Variants in CCSER1 observed in about 807,000 individuals in gnomAD.
CCSER1 encodes coiled-coil serine rich protein 1, also known as serine-rich coiled-coil domain-containing protein 1.
Under a neutral mutation model 82.0 loss-of-function variants are expected in CCSER1, and 41 were observed. The observed-to-expected ratio is 0.50, with a 90% CI of 0.39 to 0.65. The LOEUF is 0.65. Ranked by LOEUF, CCSER1 falls within the 30% of genes least tolerant of loss-of-function variation. The probability of loss-of-function intolerance (pLI) is 0.00; values close to 1 mark genes in which losing one functional copy is unlikely to be tolerated. For missense variants in CCSER1, 1,119 were observed against 1,064.2 expected, an observed-to-expected ratio of 1.05 and a Z score of -0.72; for synonymous variants, 414 against 383.9, an observed-to-expected ratio of 1.08 and a Z score of -0.92.
chr4:90,707,387 T>C (rs1461711623), intron 6 of CCSER1, among the ~76,000 whole-genome samples: 1 of 152,114 alleles, frequency 6.6e-6, no homozygotes, highest in Admixed American at 6.6e-5. Context: ...AATGTGTACA[T>C]GTGTACCTTT....
chr4:90,607,314 C>A (rs986586323), intron 5 of CCSER1, among the ~76,000 whole-genome samples: 1 of 152,098 alleles, frequency 6.6e-6, no homozygotes, highest in African/African-American at 2.4e-5. Flanking sequence ...TTCCTGAACA[C>A]ACTAAATATA....
At chr4:90,327,881 T>A (rs1411954176) in intron 3 of CCSER1, among the ~76,000 whole-genome samples, 1 of 152,164 alleles carries the variant, frequency 6.6e-6, no homozygotes, top group Non-Finnish European at 1.5e-5. Context: ...TTCTTTTTTT[T>A]AATCTTAATT....
At chr4:91,037,541 ATCTTT>A (rs1303317942) in intron 9 of CCSER1, among the ~76,000 whole-genome samples, 1 of 151,762 alleles carries the variant, frequency 6.6e-6, no homozygotes, top group Non-Finnish European at 1.5e-5. Context: ...TTTAGCACTA[ATCTTT>A]TCTTATCGAG....
intron 7 of CCSER1, among the ~76,000 whole-genome samples, chr4:90,807,501 C>T (rs1237352524): frequency 6.6e-6 from 1 of 152,012 alleles, no homozygotes; most frequent in East Asian, 1.9e-4. Flanking sequence ...CACTTGTAGT[C>T]CTACCTCTTC....
At chr4:91,044,697 A>G (rs915266008) in intron 9 of CCSER1, among the ~76,000 whole-genome samples, 1 of 152,034 alleles carries the variant, frequency 6.6e-6, no homozygotes, top group Non-Finnish European at 1.5e-5. Flanking sequence ...TCATCTCCCA[A>G]CCTACTCCCA....
intron 1 of CCSER1, among the ~76,000 whole-genome samples, chr4:90,222,937 T>A (rs1742426588): frequency 6.6e-6 from 1 of 152,190 alleles, no homozygotes; most frequent in Non-Finnish European, 1.5e-5. Context: ...ACAGTTAGAT[T>A]TCATTAGTTT....
At chr4:90,256,911 AATT>A (rs1011411034) in intron 1 of CCSER1, among the ~76,000 whole-genome samples, 43 of 152,100 alleles carry the variant, frequency 2.8e-4, no homozygotes, top group Admixed American at 1.3e-3. Flanking sequence ...TTTGTTTTAT[AATT>A]ATTATTAATC....
In CCSER1 at chr4:91,368,320, AT is replaced by A. The variant is rs149109307; in HGVS notation, c.2218-230246del. Among the ~76,000 whole-genome samples the A allele has an allele frequency of 6.1e-3, 935 of 152,128 alleles. 14 individuals are homozygous for A. Among genetic ancestry groups the A allele is most frequent in the African/African-American group, 0.021 (873 of 41,516 alleles). The stretch of plus-strand genomic sequence containing the variant: ...TATGCTCCATTTGGTCTATTCTGTG[AT>A]TTTTTGGCTCCCACTTAATAATAGT... On this transcript the variant is annotated intron_variant, in intron 10 of 10. Coordinates refer to ENST00000509176, the MANE Select transcript of CCSER1 (RefSeq NM_001145065.2).
At chr4:90,425,960 A>C (rs1367518405) in intron 4 of CCSER1, among the ~76,000 whole-genome samples, 3 of 152,168 alleles carry the variant, frequency 2.0e-5, no homozygotes, top group Non-Finnish European at 4.4e-5. Flanking sequence ...AGCAGTATGC[A>C]GGACATAGCA....
chr4:91,008,393 G>A (rs557528306), intron 9 of CCSER1, among the ~76,000 whole-genome samples: 11 of 152,256 alleles, frequency 7.2e-5, no homozygotes, highest in Admixed American at 1.3e-4. Context: ...AATGTTGAGA[G>A]CATATGTATT....
intron 7 of CCSER1, among the ~76,000 whole-genome samples, chr4:90,782,522 T>G (rs1166094290): frequency 6.6e-6 from 1 of 152,068 alleles, no homozygotes; most frequent in Non-Finnish European, 1.5e-5. Flanking sequence ...AAAGCAGTTA[T>G]GAATATTTCT....
rs550913091 is a variant in CCSER1, at chr4:90,134,225, T to A, written c.-42+6394T>A. ...GACCAAACTTTGATTTTTAAAGTGA[T>A]AATGATGCAAAAATTATGAAACTCA... On this transcript the variant is annotated intron_variant, in intron 1 of 10. Transcript: ENST00000509176. Among the ~76,000 whole-genome samples the A allele has an allele frequency of 2.0e-5, 3 of 152,328 alleles. No individual in the cohort carries two copies. In the South Asian group the frequency reaches 6.2e-4, roughly 32 times the overall value.
chr4:90,830,612 A>G (rs1244336367), intron 8 of CCSER1, among the ~76,000 whole-genome samples: 8 of 152,140 alleles, frequency 5.3e-5, no homozygotes, highest in Non-Finnish European at 1.0e-4. Flanking sequence ...TAATTGCCAC[A>G]GACACAACTG....
At chr4:91,483,105 GGAAA>G (rs959603744) in intron 10 of CCSER1, among the ~76,000 whole-genome samples, 46 of 150,296 alleles carry the variant, frequency 3.1e-4, no homozygotes, top group Admixed American at 1.3e-4. Flanking sequence ...ATAAAAAAAA[GGAAA>G]GAAAGAAAAA....
At chr4:90,243,192 C>A (rs1720719865) in intron 1 of CCSER1, among the ~76,000 whole-genome samples, 1 of 151,268 alleles carries the variant, frequency 6.6e-6, no homozygotes, top group South Asian at 2.1e-4. Context: ...GCCTCCCAAG[C>A]AGCTAGGACT....
In CCSER1 at chr4:90,711,733, T is replaced by G. The variant is rs139946464; in HGVS notation, c.1933-12181T>G. Reference sequence around the variant, plus strand: ...GATGTCCTGCTGGATTTTTTTTTTTTTGTCAGTATTTTATTGAGGATCTTT... The same window carrying G: ...GATGTCCTGCTGGATTTTTTTTTTTGTGTCAGTATTTTATTGAGGATCTTT... On this transcript the variant is annotated intron_variant, in intron 6 of 10. Coordinates refer to ENST00000509176, the MANE Select transcript of CCSER1 (RefSeq NM_001145065.2). 6.5e-3 allele frequency among the ~76,000 whole-genome samples: 981 copies of G among 151,962 alleles called. 6 individuals carry two copies. Among genetic ancestry groups the G allele is most frequent in the Non-Finnish European group, 0.011 (729 of 67,912 alleles).
chr4:90,980,082 T>C (rs1326079140), intron 9 of CCSER1, among the ~76,000 whole-genome samples: 2 of 151,864 alleles, frequency 1.3e-5, no homozygotes, highest in South Asian at 2.1e-4. Context: ...GTGGATGCTA[T>C]TTTGGATAGA....
chr4:90,316,271 A>G (rs1469230025), intron 3 of CCSER1, among the ~76,000 whole-genome samples: 1 of 152,206 alleles, frequency 6.6e-6, no homozygotes, highest in Non-Finnish European at 1.5e-5. Flanking sequence ...TTGGATTTGG[A>G]TCCTTTCTAA....
In CCSER1 at chr4:91,231,508, G is replaced by A. The variant is rs190845520; in HGVS notation, c.2217+145514G>A. On this transcript the variant is annotated intron_variant, in intron 10 of 10. Coordinates refer to ENST00000509176, the MANE Select transcript of CCSER1 (RefSeq NM_001145065.2). ...TAATATGGAAGAAAATCCATTATAC[G>A]TATAGGTTGTTCACACAGATGACTT... is the stretch of plus-strand genomic sequence containing the variant. Among the ~76,000 whole-genome samples, 143 of 151,802 alleles carry A rather than the reference G, an allele frequency of 9.4e-4. 4 individuals are homozygous for A. Among genetic ancestry groups the A allele is most frequent in the Admixed American group, 7.9e-4 (12 of 15,226 alleles).
Sources: allele counts gnomAD v4.1 joint callset (sites outside exome capture counted in the v4.1 genomes callset), GRCh38; gene constraint gnomAD v4.1.1; transcripts MANE v1.5; gene names NCBI Gene and HGNC (gene_info 2026-07-23, HGNC 2026-07-21).